The following DNAH5 variants were observed in gnomAD, a reference collection of about 807,000 sequenced individuals.
DNAH5 encodes the protein dynein axonemal heavy chain 5.
Under a neutral mutation model 518.2 loss-of-function variants are expected in DNAH5, and 372 were observed. The ratio of observed to expected loss-of-function variants is 0.72; its 90% CI spans 0.66 to 0.78. The LOEUF (loss-of-function observed/expected upper bound fraction) is 0.78, where lower values mean the gene tolerates loss of function less well. Among genes scored for constraint, DNAH5 ranks in the 30% least tolerant of loss-of-function variants. The pLI, the probability that DNAH5 is intolerant of heterozygous loss-of-function variation, is 0.00. For synonymous variants in DNAH5, 2,039 were observed against 2,025.9 expected, an observed-to-expected ratio of 1.01 and a Z score of -0.17; for missense variants, 5,523 against 5,687.0, an observed-to-expected ratio of 0.97 and a Z score of 0.93.
intron 52 of DNAH5, among the ~76,000 whole-genome samples, chr5:13,785,181 T>G (rs1755792169): frequency 1.3e-5 from 2 of 151,940 alleles, no homozygotes; most frequent in African/African-American, 4.8e-5. Context: ...TGACAGATCA[T>G]CAGGCATTCC....
Position 13,830,714 on chromosome 5 carries a change from C to T in DNAH5, c.5944G>A (p.Ala1982Thr), listed in dbSNP as rs150814892. ...GTGGTTTCTGTTTTGCCTGTGCCTG[C>T]AGGTCCAGCAGGGGCTCCCCCCATG... ...MSMGGAPAGP[A>T]GTGKTETTKD... Residue 1982 changes from alanine to threonine, a missense_variant, in exon 36 of 79, where the codon GCA (alanine) becomes ACA (threonine). Around this residue, in one of 3 missense-constraint regions of DNAH5, gnomAD observed 5,121 missense variants for 5,223.3 expected, o/e 0.98. Transcript: ENST00000265104. The T allele has an allele frequency of 2.8e-4, 449 of 1,614,176 alleles. 2 individuals carry two copies. The African/African-American group carries it at 5.6e-3, about 20-fold the overall frequency.
chr5:13,973,733 A>C (rs114083448), intron 1 of DNAH5, among the ~76,000 whole-genome samples: 1,522 of 151,430 alleles, frequency 0.01, 16 homozygotes, highest in Middle Eastern at 0.014. Flanking sequence ...AAAAAAAAAA[A>C]AAAACAAAAA....
At chr5:13,933,326 T>G (rs1036823573) in intron 1 of DNAH5, among the ~76,000 whole-genome samples, 1 of 152,212 alleles carries the variant, frequency 6.6e-6, no homozygotes, top group Non-Finnish European at 1.5e-5. Context: ...GCAGGTGGTA[T>G]GTGCATTCAA....
Position 13,861,406 on chromosome 5 carries a change from C to T in DNAH5, c.4796+1142G>A, listed in dbSNP as rs1445812. The stretch of plus-strand genomic sequence containing the variant: ...AGTATGAAGTACACAGTATTTCCAA[C>T]ATTAAAAGTATTGATACACATATAT... On this transcript the variant is annotated intron_variant, in intron 29 of 78. Transcript: ENST00000265104. 4.6e-3 allele frequency among the ~76,000 whole-genome samples: 704 copies of T among 152,188 alleles called. 2 individuals are homozygous for T. The highest frequency in any genetic ancestry group is 7.0e-3 in the Non-Finnish European group (478 of 68,008).
At chr5:13,808,225 CAAA>C (rs56686032) in intron 46 of DNAH5, among the ~76,000 whole-genome samples, 3 of 86,340 alleles carry the variant, frequency 3.5e-5, no homozygotes, top group Non-Finnish European at 7.1e-5. Context: ...GACTCCATCT[CAAA>C]AAAAAAAAAA....
chr5:13,926,784 CAGA>C (rs1056878416), intron 3 of DNAH5, among the ~76,000 whole-genome samples: 3 of 152,216 alleles, frequency 2.0e-5, no homozygotes, highest in African/African-American at 7.2e-5. Flanking sequence ...AAAATTTACG[CAGA>C]AGGCCAGTTT....
intron 74 of DNAH5, among the ~76,000 whole-genome samples, chr5:13,716,033 A>G (rs967550228): frequency 6.6e-6 from 1 of 152,216 alleles, no homozygotes; most frequent in African/African-American, 2.4e-5. Context: ...GGACATATCC[A>G]TAGGCTGTCC....
intron 30 of DNAH5, among the ~76,000 whole-genome samples, chr5:13,858,119 G>GT (rs1767881378): frequency 6.6e-6 from 1 of 152,090 alleles, no homozygotes; most frequent in Non-Finnish European, 1.5e-5. Context: ...ATATGCACAC[G>GT]TATGTTTATT....
At chr5:13,853,347 A>C (rs972584492) in intron 30 of DNAH5, among the ~76,000 whole-genome samples, 1 of 152,222 alleles carries the variant, frequency 6.6e-6, no homozygotes, top group Non-Finnish European at 1.5e-5. Flanking sequence ...GGACGACCAC[A>C]CAAAAACTCC....
At chr5:13,762,939 C>T (rs1478432245) in intron 59 of DNAH5, 38 bp from the exon 60 acceptor site, 3 of 1,557,804 alleles carry the variant, frequency 1.9e-6, no homozygotes, top group African/African-American at 2.7e-5. Flanking sequence ...CGAAACACTT[C>T]TTTCCATAAA....
chr5:13,732,120 CAAAAA>C (rs34028417), intron 68 of DNAH5, among the ~76,000 whole-genome samples: 2 of 124,852 alleles, frequency 1.6e-5, no homozygotes, highest in African/African-American at 2.9e-5. Context: ...ACTCTGTCTT[CAAAAA>C]AAAAAAAAAA....
At chr5:13,885,517 A>G (rs1772293863) in intron 18 of DNAH5, among the ~76,000 whole-genome samples, 1 of 152,156 alleles carries the variant, frequency 6.6e-6, no homozygotes, top group South Asian at 2.1e-4. Context: ...GCCCCCAAGG[A>G]CCTGGGTTCT....
chr5:13,873,376 T>C (rs1290365876), intron 22 of DNAH5, among the ~76,000 whole-genome samples: 1 of 152,108 alleles, frequency 6.6e-6, no homozygotes, highest in Non-Finnish European at 1.5e-5. Flanking sequence ...TTTTATTTAT[T>C]ACCCTGGTTA....
chr5:13,981,969 C>T lies in DNAH5; in HGVS notation c.12+29679G>A, dbSNP rs186092569. On this transcript the variant is annotated intron_variant, in intron 1 of 78. Transcript: ENST00000681290. ...GCTTTACATCCTTGTCAGCACGATTCGGTGAAATTAAACCAATAGGCTATA... is the reference window on the plus strand; with the variant it reads ...GCTTTACATCCTTGTCAGCACGATTTGGTGAAATTAAACCAATAGGCTATA... Among the ~76,000 whole-genome samples, 561 of 152,284 alleles carry T rather than the reference C, an allele frequency of 3.7e-3. 9 individuals carry two copies. Among genetic ancestry groups the T allele is most frequent in the Non-Finnish European group, 9.4e-4 (64 of 68,026 alleles).
intron 53 of DNAH5, among the ~76,000 whole-genome samples, chr5:13,778,539 G>GGAGA (rs1754484494): frequency 1.4e-5 from 1 of 73,858 alleles, no homozygotes; most frequent in Non-Finnish European, 2.6e-5. Context: ...GAGAGAGAGA[G>GGAGA]AAGAAAGAAA....
intron 27 of DNAH5, among the ~76,000 whole-genome samples, chr5:13,865,402 G>A (rs1769095975): frequency 6.6e-6 from 1 of 152,136 alleles, no homozygotes; most frequent in African/African-American, 2.4e-5. Flanking sequence ...TTTCATAAGT[G>A]TAATATAAAT....
chr5:13,713,845 CT>C (rs925936606), intron 75 of DNAH5, among the ~76,000 whole-genome samples: 1 of 151,798 alleles, frequency 6.6e-6, no homozygotes, highest in African/African-American at 2.4e-5. Context: ...TGAAAAAAAA[CT>C]TTTGAAAATT....
intron 3 of DNAH5, among the ~76,000 whole-genome samples, chr5:13,925,770 G>A (rs1012613632): frequency 5.9e-5 from 9 of 152,100 alleles, no homozygotes; most frequent in South Asian, 2.1e-4. Context: ...TTTGGGTGGC[G>A]ACACAGAGCC....
chr5:13,708,657 C>A (rs527836438), intron 75 of DNAH5, among the ~76,000 whole-genome samples: 2 of 152,254 alleles, frequency 1.3e-5, no homozygotes, highest in East Asian at 3.9e-4. Context: ...TTCTGAGAAT[C>A]CGAGCTCTTT....
Sources: allele counts gnomAD v4.1 joint callset (sites outside exome capture counted in the v4.1 genomes callset), GRCh38; gene constraint gnomAD v4.1.1; regional missense constraint gnomAD v4.1.1; transcripts MANE v1.5; gene names NCBI Gene and HGNC (gene_info 2026-07-23, HGNC 2026-07-21).